RALGPS1: variants seen among roughly 807,000 people sequenced by gnomAD.
RALGPS1 encodes ras-specific guanine nucleotide-releasing factor RalGPS1.
In RALGPS1, 19 loss-of-function variants were observed where a neutral mutation model predicts 78.8. The observed-to-expected ratio is 0.24, with a 90% confidence interval of 0.17 to 0.35. RALGPS1 has a LOEUF of 0.35. Among genes scored for constraint, RALGPS1 ranks in the 10% least tolerant of loss-of-function variants. The pLI is 1.00. For missense variants in RALGPS1, 454 were observed against 688.3 expected (o/e 0.66, Z 3.81); for synonymous variants, 228 against 256.3 (o/e 0.89, Z 1.06).
intron 4 of RALGPS1, among the ~76,000 whole-genome samples, chr9:127,004,892 T>A (rs2043688005): frequency 6.6e-6 from 1 of 152,182 alleles, no homozygotes; most frequent in Non-Finnish European, 1.5e-5. Context: ...TTAAAAAGTC[T>A]GGAAATTTTT....
At chr9:126,985,410 C>G (rs1278985623) in intron 4 of RALGPS1, among the ~76,000 whole-genome samples, 2 of 152,104 alleles carry the variant, frequency 1.3e-5, no homozygotes, top group African/African-American at 4.8e-5. Context: ...TTGAGGATTG[C>G]TCGTTATACT....
intron 8 of RALGPS1, among the ~76,000 whole-genome samples, chr9:127,082,914 C>A (rs1258695985): frequency 6.6e-6 from 1 of 152,066 alleles, no homozygotes; most frequent in Non-Finnish European, 1.5e-5. Flanking sequence ...ACACAGCATA[C>A]CCAGGAAGGG....
Position 126,914,900 on chromosome 9 carries a change from A to G in RALGPS1, c.-141A>G, listed in dbSNP as rs1382480291. 6.6e-6 allele frequency: 1 copy of G among 151,684 alleles called. No individual in the cohort carries two copies. The highest frequency in any genetic ancestry group is 1.5e-5 in the Non-Finnish European group (1 of 67,794). The allele number at this position is 151,684 out of a possible 1,614,324, so 9.4% of individuals were successfully genotyped here. ...CGGCTCGGCGTGGCCCCGGCCTCCA[A>G]GCGAAGGCGCCGCTGCCGCTGGGCC... On this transcript the variant is annotated 5_prime_UTR_variant, in exon 1 of 19. Transcript: ENST00000259351.
At chr9:126,928,571 A>G (rs2035511357) in intron 1 of RALGPS1, among the ~76,000 whole-genome samples, 1 of 152,140 alleles carries the variant, frequency 6.6e-6, no homozygotes, top group Non-Finnish European at 1.5e-5. Context: ...CTGCCTTTGC[A>G]CAAATACTAC....
intron 8 of RALGPS1, chr9:127,079,835 A>G (rs1049927468): frequency 2.6e-5 from 4 of 152,236 alleles, no homozygotes; most frequent in Non-Finnish European, 4.4e-5. Context: ...CTGCAAGACA[A>G]TAAATGTTTA....
chr9:127,150,986 A>G lies in RALGPS1; in HGVS notation c.611-15083A>G, dbSNP rs186081590. On this transcript the variant is annotated intron_variant, in intron 8 of 18. Transcript: ENST00000259351. ...ATCACGAGCTCAGGAAATCGAGACC[A>G]TCCTGGCCAACATGGTGAAACCCTG... Among the ~76,000 whole-genome samples the G allele has an allele frequency of 5.7e-4, 87 of 152,212 alleles. 1 individual carries two copies. The East Asian group carries it at 0.015, about 27-fold the overall frequency.
At chr9:127,072,451 G>T (rs931555365) in intron 8 of RALGPS1, among the ~76,000 whole-genome samples, 1 of 152,192 alleles carries the variant, frequency 6.6e-6, no homozygotes, top group African/African-American at 2.4e-5. Context: ...CTGAGCTCAA[G>T]CAATCTGCCT....
intron 8 of RALGPS1, among the ~76,000 whole-genome samples, chr9:127,082,919 G>C (rs1418080548): frequency 6.6e-6 from 1 of 152,128 alleles, no homozygotes; most frequent in African/African-American, 2.4e-5. Context: ...GCATACCCAG[G>C]AAGGGCAGCG....
intron 8 of RALGPS1, among the ~76,000 whole-genome samples, chr9:127,080,086 G>C (rs2051036836): frequency 3.9e-5 from 6 of 152,146 alleles, no homozygotes; most frequent in Admixed American, 3.9e-4. Flanking sequence ...AGAGAAAGTG[G>C]TTGCTGCTTT....
At chr9:126,967,321 C>T (rs1470572545) in intron 3 of RALGPS1, among the ~76,000 whole-genome samples, 1 of 152,046 alleles carries the variant, frequency 6.6e-6, no homozygotes, top group African/African-American at 2.4e-5. Context: ...TCTGTGCTCT[C>T]CCACTGTCTC....
chr9:127,152,578 A>G (rs1000926101), intron 8 of RALGPS1, among the ~76,000 whole-genome samples: 1 of 152,220 alleles, frequency 6.6e-6, no homozygotes, highest in Non-Finnish European at 1.5e-5. Flanking sequence ...GAAAAGCCCC[A>G]GGAGATATGA....
chr9:127,094,097 CAA>C (rs1316489971), intron 8 of RALGPS1, among the ~76,000 whole-genome samples: 1 of 152,160 alleles, frequency 6.6e-6, no homozygotes, highest in African/African-American at 2.4e-5. Context: ...ATTATAAAGA[CAA>C]GAGCCTCGGA....
chr9:127,208,628 G>A (rs2062064199), intron 14 of RALGPS1, among the ~76,000 whole-genome samples: 1 of 152,152 alleles, frequency 6.6e-6, no homozygotes. Flanking sequence ...GAGCATGTGA[G>A]CACTCACTAC....
At chr9:127,150,756 T>C (rs1192951470) in intron 8 of RALGPS1, among the ~76,000 whole-genome samples, 3 of 152,200 alleles carry the variant, frequency 2.0e-5, no homozygotes, top group Non-Finnish European at 4.4e-5. Context: ...GCTCACCAGA[T>C]GGGATGCAAC....
At chr9:127,031,298 G>T (rs192361532) in intron 4 of RALGPS1, among the ~76,000 whole-genome samples, 1 of 152,310 alleles carries the variant, frequency 6.6e-6, no homozygotes, top group Admixed American at 6.5e-5. Context: ...CACTTAACAC[G>T]GATGGAATCT....
intron 10 of RALGPS1, among the ~76,000 whole-genome samples, chr9:127,173,930 T>G (rs1233454940): frequency 6.6e-6 from 1 of 152,092 alleles, no homozygotes; most frequent in Non-Finnish European, 1.5e-5. Context: ...TGAGAATCGC[T>G]TGAACCTGGG....
rs114474031 is a variant in RALGPS1 at position 127,024,546 on chromosome 9, A to G, written c.217-9885A>G. Among the ~76,000 whole-genome samples, 81 of 152,028 alleles carry G rather than the reference A, an allele frequency of 5.3e-4. 1 individual carries two copies. Among genetic ancestry groups the G allele is most frequent in the African/African-American group, 1.4e-3 (56 of 41,454 alleles). On this transcript the variant is annotated intron_variant, in intron 4 of 18. Transcript: ENST00000259351. ...CACTTTTCCTTAGGTGGACTCTTAA[A>G]GTTGAAAACCATCAAACAACACTTA...
At position 127,178,079 on chromosome 9, in the gene RALGPS1, A is replaced by G. The variant is rs887191958; in HGVS notation, c.910+3297A>G. ...AGGGTGGAGCCCTAGGCTAAAGGGC[A>G]TGGGGAAGAAGTGTTACCAATCCCA... On this transcript the variant is annotated intron_variant, in intron 11 of 18. Coordinates refer to ENST00000259351, the MANE Select transcript of RALGPS1 (RefSeq NM_014636.3). The G allele has an allele frequency of 2.2e-6, 3 of 1,335,978 alleles. No individual in the cohort carries two copies. In the African/African-American group the frequency reaches 4.4e-5, roughly 20 times the overall value. The allele number at this position is 1,335,978 out of a possible 1,614,324, so 82.8% of individuals were successfully genotyped here. A position where few individuals can be genotyped will look rare whatever the true frequency, so the allele number is the denominator to read the frequency against.
At chr9:127,022,495 C>T (rs10987546) in intron 4 of RALGPS1, among the ~76,000 whole-genome samples, 29 of 151,494 alleles carry the variant, frequency 1.9e-4, no homozygotes, top group Non-Finnish European at 3.2e-4. Flanking sequence ...CCAGTCCCTA[C>T]GTTGTTTTCC....
Sources: allele counts gnomAD v4.1 joint callset (sites outside exome capture counted in the v4.1 genomes callset), GRCh38; gene constraint gnomAD v4.1.1; transcripts MANE v1.5; gene names NCBI Gene and HGNC (gene_info 2026-07-23, HGNC 2026-07-21).